Variants in PACS1 observed in about 807,000 individuals in gnomAD.
PACS1 encodes PACS-1.
A neutral mutation model predicts 115.0 loss-of-function variants in PACS1; 24 were observed. The ratio of observed to expected loss-of-function variants is 0.21; its 90% CI spans 0.15 to 0.29. PACS1 has a LOEUF of 0.29. Among genes scored for constraint, PACS1 ranks in the 10% least tolerant of loss-of-function variants. The pLI is 1.00. For missense variants in PACS1, 838 were observed against 1,251.2 expected, an observed-to-expected ratio of 0.67 and a Z score of 4.98; for synonymous variants, 453 against 504.5, an observed-to-expected ratio of 0.90 and a Z score of 1.37.
chr11:66,128,647 G>T (rs1424123536), intron 1 of PACS1, among the ~76,000 whole-genome samples: 6 of 152,152 alleles, frequency 3.9e-5, no homozygotes, highest in Non-Finnish European at 8.8e-5. Context: ...ACTTTGGGAG[G>T]CTGAGGAGGG....
intron 2 of PACS1, among the ~76,000 whole-genome samples, chr11:66,197,222 A>G (rs922964061): frequency 1.3e-5 from 2 of 152,106 alleles, no homozygotes; most frequent in Non-Finnish European, 2.9e-5. Flanking sequence ...TGTATACCCC[A>G]CCCAGCTTCT....
intron 1 of PACS1, among the ~76,000 whole-genome samples, chr11:66,115,915 TC>T (rs1483083124): frequency 1.3e-5 from 2 of 152,232 alleles, no homozygotes; most frequent in Admixed American, 1.3e-4. Context: ...CTTTAAGCTT[TC>T]TTCCTCTTAG....
Position 66,070,874 on chromosome 11 carries a change from G to A in PACS1, c.356+32G>A, listed in dbSNP as rs1203425021. 57 of 1,415,690 alleles carry A rather than the reference G, an allele frequency of 4.0e-5. No individual in the cohort carries two copies. The highest frequency in any genetic ancestry group is 5.0e-5 in the Non-Finnish European group (55 of 1,095,314). 87.7% of individuals were successfully genotyped at this position (1,415,690 alleles called of 1,614,324 possible). ...GCGGGAGGGTGCGGCGGGGCGCCGG[G>A]GGAGCGGGGTGGCCGCCGGGGCCCA... On this transcript the variant is annotated intron_variant, in intron 1 of 23. Transcript: ENST00000320580. This position sits in a 1 kb window ranked among gnomAD's most constrained non-coding sequence, Gnocchi z 5.9.
intron 22 of PACS1, among the ~76,000 whole-genome samples, chr11:66,241,928 G>A (rs538632103): frequency 6.6e-6 from 1 of 152,318 alleles, no homozygotes; most frequent in Non-Finnish European, 1.5e-5. Flanking sequence ...TGTAATGAAG[G>A]GGGCCTTTCT....
chr11:66,087,386 C>T (rs1857591515), intron 1 of PACS1, among the ~76,000 whole-genome samples: 1 of 152,098 alleles, frequency 6.6e-6, no homozygotes, highest in South Asian at 2.1e-4. Context: ...GGATTACAGG[C>T]ATGCGCTACC....
At chr11:66,100,099 C>T (rs1052610214) in intron 1 of PACS1, among the ~76,000 whole-genome samples, 4 of 150,790 alleles carry the variant, frequency 2.7e-5, no homozygotes, top group Admixed American at 1.3e-4. Flanking sequence ...AGGCTGGTCT[C>T]GAACTCCTGA....
At chr11:66,168,668 T>C (rs1859663605) in intron 1 of PACS1, among the ~76,000 whole-genome samples, 1 of 150,278 alleles carries the variant, frequency 6.7e-6, no homozygotes, top group African/African-American at 2.5e-5. Context: ...TAGTAAATGC[T>C]CAGTTGTTGG....
At chr11:66,115,376 C>T (rs1211821122) in intron 1 of PACS1, among the ~76,000 whole-genome samples, 1 of 152,118 alleles carries the variant, frequency 6.6e-6, no homozygotes, top group Non-Finnish European at 1.5e-5. Context: ...CCTGCTAATA[C>T]ACTAATTTCT....
At chr11:66,111,153 C>T (rs1590751383) in intron 1 of PACS1, among the ~76,000 whole-genome samples, 2 of 152,196 alleles carry the variant, frequency 1.3e-5, no homozygotes, top group East Asian at 1.9e-4. Context: ...CAAACCTGTA[C>T]AGCACTGATT....
At position 66,232,281 on chromosome 11, in the gene PACS1, G is replaced by A. The variant is rs911390432; in HGVS notation, c.1731+5G>A. The stretch of plus-strand genomic sequence containing the variant: ...ACCACTGACTGGCAGGGCCAGGTAA[G>A]TGCTGAAACTGCGAGGCCATGTGGG... On this transcript the variant is annotated splice_donor_5th_base_variant and intron_variant, in intron 14 of 23. Coordinates refer to ENST00000320580, the MANE Select transcript of PACS1 (RefSeq NM_018026.4). The A allele has an allele frequency of 1.3e-6, 2 of 1,576,800 alleles. No individual in the cohort carries two copies. Among genetic ancestry groups the A allele is most frequent in the African/African-American group, 1.3e-5 (1 of 74,226 alleles).
At chr11:66,213,594 C>T (rs1475548234) in intron 4 of PACS1, among the ~76,000 whole-genome samples, 2 of 152,202 alleles carry the variant, frequency 1.3e-5, no homozygotes, top group Non-Finnish European at 2.9e-5. Context: ...CACATGTGCT[C>T]GTGTCTACAC....
At chr11:66,147,438 G>A (rs539057109) in intron 1 of PACS1, among the ~76,000 whole-genome samples, 2 of 152,178 alleles carry the variant, frequency 1.3e-5, no homozygotes, top group East Asian at 3.9e-4. Flanking sequence ...AAATATTTGG[G>A]TAAATGTAAG....
At chr11:66,107,998 A>G (rs1391952183) in intron 1 of PACS1, among the ~76,000 whole-genome samples, 2 of 152,126 alleles carry the variant, frequency 1.3e-5, no homozygotes, top group Non-Finnish European at 2.9e-5. Flanking sequence ...ATAATCTGTT[A>G]CTAAGGAGCT....
At chr11:66,111,679 C>T (rs886834358) in intron 1 of PACS1, among the ~76,000 whole-genome samples, 2 of 152,084 alleles carry the variant, frequency 1.3e-5, no homozygotes, top group Admixed American at 1.3e-4. Context: ...GTTTTTGACT[C>T]ACTCACTCTG....
At position 66,239,276 on chromosome 11, in the gene PACS1, G is replaced by A; in HGVS notation, c.2428G>A (p.Gly810Arg). 6.2e-7 allele frequency: 1 copy of A among 1,610,668 alleles called. No homozygotes were observed. The highest frequency in any genetic ancestry group is 8.5e-7 in the Non-Finnish European group (1 of 1,178,984). ...TATGAGCAGCGCCCTGGCCATCGTG[G>A]GGTAAGGCTCCTGCCCGTACCTGTC... is the stretch of plus-strand genomic sequence containing the variant. Reference protein sequence around the residue: ...PSMSSALAIVGSPNSPYGDVI... With the variant: ...PSMSSALAIVRSPNSPYGDVI... The change falls in exon 21 of 24, where the codon GGG becomes AGG. Residue 810 changes from glycine (G) to arginine (R), a missense_variant and splice_region_variant. Coordinates refer to ENST00000320580, the MANE Select transcript of PACS1 (RefSeq NM_018026.4).
At chr11:66,107,157 C>T (rs548071003) in intron 1 of PACS1, among the ~76,000 whole-genome samples, 268 of 152,338 alleles carry the variant, frequency 1.8e-3, no homozygotes, top group Non-Finnish European at 3.3e-3. Context: ...CACCCTCCCC[C>T]AGTCTGACCA....
At chr11:66,169,459 G>T (rs1185310114) in intron 1 of PACS1, among the ~76,000 whole-genome samples, 2 of 149,888 alleles carry the variant, frequency 1.3e-5, no homozygotes, top group African/African-American at 5.1e-5. Context: ...GAATGCAGTG[G>T]CTCAATCTTG....
intron 1 of PACS1, among the ~76,000 whole-genome samples, chr11:66,090,271 C>CTTTT (rs930565654): frequency 2.3e-4 from 25 of 109,408 alleles, no homozygotes; most frequent in Non-Finnish European, 3.1e-4. Flanking sequence ...TCTTTCCTTT[C>CTTTT]TTTTTTTTTT....
chr11:66,175,142 A>G (rs185011687), intron 1 of PACS1, among the ~76,000 whole-genome samples: 64 of 151,246 alleles, frequency 4.2e-4, no homozygotes, highest in Non-Finnish European at 4.0e-4. Context: ...TGCCTGGGCG[A>G]CAGAGCAAAA....
Sources: allele counts gnomAD v4.1 joint callset (sites outside exome capture counted in the v4.1 genomes callset), GRCh38; gene constraint gnomAD v4.1.1; non-coding constraint Gnocchi (gnomAD v3.1); transcripts MANE v1.5; gene names NCBI Gene and HGNC (gene_info 2026-07-23, HGNC 2026-07-21).